The following INTS14 variants were observed in gnomAD, a reference collection of about 807,000 sequenced individuals.
INTS14 encodes UPF0464 protein C15orf44.
Under a neutral mutation model 56.9 loss-of-function variants are expected in INTS14, and 27 were observed. That is an observed-to-expected ratio of 0.47 (90% CI 0.35 to 0.65). INTS14 has a LOEUF of 0.65. INTS14 is among the 30% of genes least tolerant of loss of function. The probability of loss-of-function intolerance (pLI) is 0.00; values close to 1 mark genes in which losing one functional copy is unlikely to be tolerated. For missense variants in INTS14, 517 were observed against 632.2 expected, an observed-to-expected ratio of 0.82 and a Z score of 1.95; for synonymous variants, 207 against 236.2, an observed-to-expected ratio of 0.88 and a Z score of 1.13.
chr15:65,594,462 G>A (rs1228448316), intron 7 of INTS14, among the ~76,000 whole-genome samples: 1 of 149,956 alleles, frequency 6.7e-6, no homozygotes, highest in East Asian at 1.9e-4. Context: ...GCGCGATCTC[G>A]GCTCACTGCA....
At chr15:65,596,678 C>A (rs1180013489) in intron 6 of INTS14, among the ~76,000 whole-genome samples, 1 of 152,134 alleles carries the variant, frequency 6.6e-6, no homozygotes, top group Non-Finnish European at 1.5e-5. Flanking sequence ...TCAAGTGATT[C>A]TCCTGCCTCA....
chr15:65,606,962 G>T (rs754969896), intron 2 of INTS14, among the ~76,000 whole-genome samples, 197 bp downstream of exon 2: 2 of 152,166 alleles, frequency 1.3e-5, no homozygotes, highest in Non-Finnish European at 2.9e-5. Flanking sequence ...ACTCACAGCT[G>T]TAACTCATAG....
chr15:65,581,547 CAAAAAAAAAAAAAA>C (rs57782914), intron 11 of INTS14, among the ~76,000 whole-genome samples: 5 of 47,770 alleles, frequency 1.0e-4, no homozygotes, highest in East Asian at 8.6e-4. Flanking sequence ...GACTCCATCT[CAAAAAAAAAAAAAA>C]AAAAAAAAAA....
chr15:65,610,539 C>T (rs1372316248), intron 1 of INTS14: 1 of 849,944 alleles, frequency 1.2e-6, no homozygotes, highest in Non-Finnish European at 1.8e-6. Flanking sequence ...AGGCCCTAGC[C>T]ACCTATTTGG....
intron 6 of INTS14, among the ~76,000 whole-genome samples, chr15:65,596,954 C>T (rs138053561): frequency 6.6e-6 from 1 of 152,256 alleles, no homozygotes; most frequent in African/African-American, 2.4e-5. Context: ...GTATAAGCAG[C>T]TAGATATTTT....
At chr15:65,587,137 TTAAATA>T (rs1407541408) in intron 9 of INTS14, among the ~76,000 whole-genome samples, 1 of 152,132 alleles carries the variant, frequency 6.6e-6, no homozygotes, top group Non-Finnish European at 1.5e-5. Context: ...CAAACTATCA[TTAAATA>T]TAAAGAATGA....
In INTS14 at chr15:65,591,749, G is replaced by C. The variant is rs753322997; in HGVS notation, c.987-18C>G. On this transcript the variant is annotated intron_variant, in intron 8 of 11. Coordinates refer to ENST00000313182, the MANE Select transcript of INTS14 (RefSeq NM_001394796.1). ...ATTCAGGACTAGATGGAGAGAAGACGGAAGATCAGAAGAACATCAAGCCTG... is the reference window on the plus strand; with the variant it reads ...ATTCAGGACTAGATGGAGAGAAGACCGAAGATCAGAAGAACATCAAGCCTG... 1 of 1,612,560 alleles carries C rather than the reference G, an allele frequency of 6.2e-7. No homozygotes were observed. The highest frequency in any genetic ancestry group is 8.5e-7 in the Non-Finnish European group (1 of 1,179,334).
chr15:65,608,364 CAAAAA>C (rs35399300), intron 1 of INTS14, among the ~76,000 whole-genome samples: 1 of 64,056 alleles, frequency 1.6e-5, no homozygotes, highest in Non-Finnish European at 3.1e-5. Flanking sequence ...GGCTCCATCT[CAAAAA>C]AAAAAAAAAA....
At chr15:65,610,590 C>A in intron 1 of INTS14, 2 of 1,373,124 alleles carry the variant, frequency 1.5e-6, no homozygotes, top group South Asian at 1.2e-5. Context: ...GTTTGTAATT[C>A]TTCCCTGAAG....
chr15:65,609,305 G>A (rs972242515), intron 1 of INTS14, among the ~76,000 whole-genome samples: 1 of 151,968 alleles, frequency 6.6e-6, no homozygotes, highest in Non-Finnish European at 1.5e-5. Flanking sequence ...CTGGTTCATG[G>A]AAACAATGTT....
At chr15:65,582,644 G>T (rs910905802) in intron 10 of INTS14, among the ~76,000 whole-genome samples, 12 of 152,104 alleles carry the variant, frequency 7.9e-5, no homozygotes, top group Non-Finnish European at 1.3e-4. Flanking sequence ...TTTGGATTTG[G>T]CAATGATCTC....
chr15:65,610,981 C>T, intron 1 of INTS14, 117 bp downstream of exon 1: 3 of 1,492,146 alleles, frequency 2.0e-6, no homozygotes, highest in East Asian at 2.5e-5. Flanking sequence ...GGGGCGGCCG[C>T]CACGGTGGCG....
chr15:65,606,557 C>A (rs536005210), intron 2 of INTS14, among the ~76,000 whole-genome samples: 110 of 152,154 alleles, frequency 7.2e-4, no homozygotes, highest in African/African-American at 2.5e-3. Flanking sequence ...ACCTGGCCCA[C>A]AAACACTTCT....
At chr15:65,610,894 G>C in intron 1 of INTS14, 1 of 1,479,186 alleles carries the variant, frequency 6.8e-7, no homozygotes, top group Non-Finnish European at 8.9e-7. Flanking sequence ...CAGTTTACGC[G>C]GAGCTGGGGA....
At chr15:65,584,987 A>G in intron 9 of INTS14, 99 bp from the exon 10 acceptor site, 3 of 970,038 alleles carry the variant, frequency 3.1e-6, no homozygotes, top group Non-Finnish European at 4.5e-6. Context: ...AATCTTTGAT[A>G]TCCTATCACT....
At chr15:65,602,164 C>T (rs1472683102) in intron 3 of INTS14, among the ~76,000 whole-genome samples, 2 of 151,986 alleles carry the variant, frequency 1.3e-5, no homozygotes, top group Non-Finnish European at 2.9e-5. Context: ...CATTTGAGCC[C>T]GGAGGCAGAG....
chr15:65,599,897 A>T lies in INTS14; in HGVS notation c.363T>A (p.Ile121=), dbSNP rs772260601. ...VVLVTDGCLG[I]GRGSLRHSLA... The stretch of plus-strand genomic sequence containing the variant: ...GGGAATGTCGCAGTGACCCTCTACC[A>T]ATGCCAAGACAGCCGTCTGTCACCA... Residue 121 remains isoleucine (I), a synonymous_variant, in exon 4 of 12, where the codon ATT becomes ATA. Transcript: ENST00000313182. The T allele has an allele frequency of 1.9e-6, 3 of 1,613,524 alleles. No homozygotes were observed. In the East Asian group the frequency reaches 6.7e-5, roughly 36 times the overall value.
chr15:65,587,693 G>T (rs1017490640), intron 9 of INTS14, among the ~76,000 whole-genome samples: 1 of 152,096 alleles, frequency 6.6e-6, no homozygotes, highest in Non-Finnish European at 1.5e-5. Context: ...TAAAATGGGG[G>T]AAAAGGGCTG....
intron 3 of INTS14, among the ~76,000 whole-genome samples, chr15:65,600,683 G>A (rs1221954671): frequency 2.6e-5 from 4 of 151,284 alleles, no homozygotes; most frequent in Non-Finnish European, 4.4e-5. Flanking sequence ...AAAAAGGCAC[G>A]AGAAAATTTT....
Sources: gnomAD v4.1 joint callset for allele counts (sites outside exome capture counted in the v4.1 genomes callset) on GRCh38, gnomAD v4.1.1 for gene constraint, MANE v1.5 for transcripts, NCBI Gene and HGNC (gene_info 2026-07-23, HGNC 2026-07-21) for gene names.